NR2F1-AS1: variants seen among roughly 807,000 people sequenced by gnomAD.
The protein encoded by NR2F1-AS1 is NR2F1 antisense RNA 1.
intron 1 of NR2F1-AS1, among the ~76,000 whole-genome samples, chr5:93,566,264 T>C (rs1021450376): frequency 2.0e-5 from 3 of 152,034 alleles, no homozygotes; most frequent in African/African-American, 7.2e-5. Flanking sequence ...GAAACAGATG[T>C]TCCTTTTTCC....
intron 2 of NR2F1-AS1, among the ~76,000 whole-genome samples, chr5:93,557,781 G>A (rs1752394382): frequency 6.6e-6 from 1 of 152,064 alleles, no homozygotes; most frequent in Admixed American, 6.6e-5. Context: ...ATTTCTCTGT[G>A]GCATGCAATG....
chr5:93,508,875 C>G (rs188993474), intron 4 of NR2F1-AS1, among the ~76,000 whole-genome samples: 31 of 152,012 alleles, frequency 2.0e-4, no homozygotes, highest in Admixed American at 1.9e-3. Context: ...TAAGTATAAG[C>G]AAGTATATGA....
At chr5:93,474,640 C>A (rs1750441639) in intron 4 of NR2F1-AS1, among the ~76,000 whole-genome samples, 1 of 152,122 alleles carries the variant, frequency 6.6e-6, no homozygotes, top group Non-Finnish European at 1.5e-5. Flanking sequence ...ACAGAAGGGG[C>A]AAAGCAGTTC....
chr5:93,443,963 G>A (rs1338286773), intron 4 of NR2F1-AS1, among the ~76,000 whole-genome samples: 2 of 152,294 alleles, frequency 1.3e-5, no homozygotes, highest in African/African-American at 2.4e-5. Flanking sequence ...TTTCATAAGT[G>A]AAGGAGAAAT....
chr5:93,559,802 G>A (rs909181422), intron 2 of NR2F1-AS1, among the ~76,000 whole-genome samples: 2 of 152,124 alleles, frequency 1.3e-5, no homozygotes, highest in Non-Finnish European at 2.9e-5. Flanking sequence ...CTCAATTTGT[G>A]GCACCTCAAA....
At chr5:93,415,282 A>G (rs1441429637) in intron 4 of NR2F1-AS1, among the ~76,000 whole-genome samples, 1 of 151,908 alleles carries the variant, frequency 6.6e-6, no homozygotes, top group Non-Finnish European at 1.5e-5. Flanking sequence ...GCAACATGAG[A>G]CTATGTCTTT....
chr5:93,488,448 T>C (rs961588261), intron 4 of NR2F1-AS1, among the ~76,000 whole-genome samples: 50 of 152,274 alleles, frequency 3.3e-4, no homozygotes, highest in African/African-American at 1.2e-3. Flanking sequence ...AACAGACACT[T>C]CTTAAAAGAA....
rs1434580977 is a variant in NR2F1-AS1 at position 93,534,042 on chromosome 5, A to T, written n.638+19719T>A. ...AGCTGTAGTGAGCCGACATTGTGCC[A>T]CTGAACTCCAGCCTGGGGAACGAGC... On this transcript the variant is annotated intron_variant and non_coding_transcript_variant, in intron 4 of 5. Transcript: ENST00000660523. Among the ~76,000 whole-genome samples, 3 of 152,326 alleles carry T rather than the reference A, an allele frequency of 2.0e-5. No homozygotes were observed. In the East Asian group the frequency reaches 5.8e-4, roughly 29 times the overall value.
chr5:93,487,646 A>G (rs575351069), intron 4 of NR2F1-AS1, among the ~76,000 whole-genome samples: 1 of 152,358 alleles, frequency 6.6e-6, no homozygotes, highest in Non-Finnish European at 1.5e-5. Context: ...AAGAATCAAT[A>G]TCATGAAAAT....
At chr5:93,532,206 ATACT>A (rs1751750194) in intron 4 of NR2F1-AS1, among the ~76,000 whole-genome samples, 1 of 152,198 alleles carries the variant, frequency 6.6e-6, no homozygotes, top group African/African-American at 2.4e-5. Context: ...TTATTTTAAC[ATACT>A]TACTGTTTTA....
chr5:93,572,625 C>T (rs759304446), intron 1 of NR2F1-AS1, among the ~76,000 whole-genome samples: 17 of 152,230 alleles, frequency 1.1e-4, no homozygotes, highest in Non-Finnish European at 2.4e-4. Context: ...CTGACGCTTC[C>T]AGGTACAAAC....
intron 2 of NR2F1-AS1, among the ~76,000 whole-genome samples, chr5:93,560,481 T>C (rs1342678445): frequency 2.6e-5 from 4 of 152,218 alleles, no homozygotes; most frequent in African/African-American, 4.8e-5. Flanking sequence ...TTAGTTGGTA[T>C]GCAGCTTTCA....
intron 4 of NR2F1-AS1, among the ~76,000 whole-genome samples, chr5:93,472,272 T>G (rs942920109): frequency 6.6e-6 from 1 of 151,854 alleles, no homozygotes. Context: ...TAAATAATTT[T>G]GAAAAGACAA....
chr5:93,509,720 G>A (rs771653808), intron 4 of NR2F1-AS1, among the ~76,000 whole-genome samples: 1 of 151,856 alleles, frequency 6.6e-6, no homozygotes, highest in Non-Finnish European at 1.5e-5. Context: ...GTTAATATTG[G>A]TTAGTCTGCT....
At chr5:93,581,668 GTCTCTCTCTC>G (rs1232503527), upstream of NR2F1-AS1, among the ~76,000 whole-genome samples, 6 of 32,124 alleles carry the variant, frequency 1.9e-4, no homozygotes, top group Admixed American at 5.0e-4. Flanking sequence ...CGGGGTCTCG[GTCTCTCTCTC>G]TCTCTCTCTC....
In NR2F1-AS1 at chr5:93,462,483, T is replaced by C. The variant is rs145369748; in HGVS notation, n.639-66941A>G. Among the ~76,000 whole-genome samples, 1,319 of 152,264 alleles carry C rather than the reference T, an allele frequency of 8.7e-3. 33 individuals are homozygous for C. Among genetic ancestry groups the C allele is most frequent in the Non-Finnish European group, 6.3e-3 (427 of 68,030 alleles). On this transcript the variant is annotated intron_variant and non_coding_transcript_variant, in intron 4 of 5. Transcript: ENST00000660523. ...TATTATCAGCATGAAAATAGAATAA[T>C]ATAGTAAATTGTACCAGTAGAGTGG...
At chr5:93,466,742 T>C (rs868034667) in intron 4 of NR2F1-AS1, among the ~76,000 whole-genome samples, 44 of 152,178 alleles carry the variant, frequency 2.9e-4, no homozygotes, top group South Asian at 2.1e-4. Flanking sequence ...AAAAAGAACA[T>C]TGACATCATC....
upstream of NR2F1-AS1, chr5:93,585,076 G>A: frequency 9.7e-7 from 1 of 1,027,714 alleles, no homozygotes; most frequent in Non-Finnish European, 1.2e-6. Flanking sequence ...GTGGCCGGGG[G>A]CAACCCCGGC....
intron 4 of NR2F1-AS1, among the ~76,000 whole-genome samples, chr5:93,460,093 A>C (rs1323444580): frequency 6.6e-6 from 1 of 152,150 alleles, no homozygotes; most frequent in African/African-American, 2.4e-5. Context: ...GATTTTGGCA[A>C]ACATCTTTAA....
Sources: allele counts gnomAD v4.1 joint callset (sites outside exome capture counted in the v4.1 genomes callset), GRCh38; gene constraint gnomAD v4.1.1; transcripts MANE v1.5; gene names NCBI Gene and HGNC (gene_info 2026-07-23, HGNC 2026-07-21).